AGAP1: variants seen among roughly 807,000 people sequenced by gnomAD.
AGAP1 encodes the protein ArfGAP with GTPase domain, ankyrin repeat and PH domain 1.
In AGAP1, 29 loss-of-function variants were observed where a neutral mutation model predicts 105.3. The ratio of observed to expected loss-of-function variants is 0.28; its 90% CI spans 0.21 to 0.38. The LOEUF (loss-of-function observed/expected upper bound fraction) is 0.38. Among genes scored for constraint, AGAP1 ranks in the 10% least tolerant of loss-of-function variants. The probability of loss-of-function intolerance (pLI) is 1.00; values close to 1 mark genes in which losing one functional copy is unlikely to be tolerated. For synonymous variants in AGAP1, 509 were observed against 485.9 expected, an observed-to-expected ratio of 1.05 and a Z score of -0.63; for missense variants, 998 against 1,165.1, an observed-to-expected ratio of 0.86 and a Z score of 2.09.
chr2:236,085,213 C>CT, intron 16 of AGAP1, among the ~76,000 whole-genome samples: 1 of 96,986 alleles, frequency 1.0e-5, no homozygotes, highest in South Asian at 3.5e-4. Flanking sequence ...GAGACTCCGT[C>CT]TCAAAAAAAA....
In AGAP1 at chr2:235,701,465, A is replaced by G. The variant is rs1233762795; in HGVS notation, c.164-7714A>G. Among the ~76,000 whole-genome samples the G allele has an allele frequency of 1.3e-5, 2 of 152,118 alleles. No individual in the cohort carries two copies. The highest frequency in any genetic ancestry group is 2.9e-5 in the Non-Finnish European group (2 of 68,024). On this transcript the variant is annotated intron_variant, in intron 1 of 17. Coordinates refer to ENST00000304032, the MANE Select transcript of AGAP1 (RefSeq NM_001037131.3). The surrounding 1 kb of genome is among the most constrained non-coding windows in gnomAD (Gnocchi z 4.1). The stretch of plus-strand genomic sequence containing the variant: ...CACTGAGAGGGCCTGGTGAATGGCA[A>G]GGTCAGGGGATGCTGTCCGGACATG...
At position 235,777,143 on chromosome 2, in the gene AGAP1, G is replaced by T. The variant is rs1024818951; in HGVS notation, c.674-20616G>T. The T allele has an allele frequency of 9.6e-5, 43 of 449,048 alleles. No homozygotes were observed. The highest frequency in any genetic ancestry group is 7.6e-4 in the African/African-American group (38 of 49,706). The allele number at this position is 449,048 out of a possible 1,614,324, so 27.8% of individuals were successfully genotyped here. A position where few individuals can be genotyped will look rare whatever the true frequency, so the allele number is the denominator to read the frequency against. ...AGAGGCCAAGGCGGGTGGATCACGA[G>T]GTCAGGAGATCGAGACCATCCTGGC... On this transcript the variant is annotated intron_variant, in intron 6 of 17. Coordinates refer to ENST00000304032, the MANE Select transcript of AGAP1 (RefSeq NM_001037131.3). The surrounding 1 kb of genome is among the most constrained non-coding windows in gnomAD (Gnocchi z 5.1).
In AGAP1 at chr2:235,801,634, G is replaced by C. The variant is rs895754368; in HGVS notation, c.957+2112G>C. Among the ~76,000 whole-genome samples the C allele has an allele frequency of 2.0e-5, 3 of 152,090 alleles. No individual in the cohort carries two copies. The highest frequency in any genetic ancestry group is 4.4e-5 in the Non-Finnish European group (3 of 68,034). Reference sequence around the variant, plus strand: ...GTTGAAGTGTTTCCTGCTAGAACAGGCTGCACAGTGACTCGGTGGCTTGAG... The same window carrying C: ...GTTGAAGTGTTTCCTGCTAGAACAGCCTGCACAGTGACTCGGTGGCTTGAG... On this transcript the variant is annotated intron_variant, in intron 8 of 17. Transcript: ENST00000304032. The surrounding 1 kb of genome is among the most constrained non-coding windows in gnomAD (Gnocchi z 6.0).
chr2:235,745,007 C>G (rs1022169082), intron 5 of AGAP1, among the ~76,000 whole-genome samples, 168 bp downstream of exon 5: 2 of 151,964 alleles, frequency 1.3e-5, no homozygotes, highest in African/African-American at 4.8e-5. Flanking sequence ...TGATTTGATT[C>G]TATGGTGAAA....
chr2:235,938,660 C>G (rs1470319849), intron 12 of AGAP1, among the ~76,000 whole-genome samples: 1 of 152,190 alleles, frequency 6.6e-6, no homozygotes, highest in African/African-American at 2.4e-5. Context: ...GACTTACATT[C>G]TGCACTAAGA....
chr2:235,865,862 C>T lies in AGAP1; in HGVS notation c.1051-17483C>T, dbSNP rs2049143620. 6.6e-6 allele frequency among the ~76,000 whole-genome samples: 1 copy of T among 152,148 alleles called. No individual in the cohort carries two copies. The highest frequency in any genetic ancestry group is 2.4e-5 in the African/African-American group (1 of 41,420). ...CCCAGCATCGTGGATGTGAATTTGC[C>T]AGAAGTTTTCCGTTTGTGGAGGACT... On this transcript the variant is annotated intron_variant, in intron 9 of 17. Transcript: ENST00000304032. The surrounding 1 kb of genome is among the most constrained non-coding windows in gnomAD (Gnocchi z 6.2).
chr2:236,022,867 C>T (rs141473145), intron 13 of AGAP1, among the ~76,000 whole-genome samples: 1 of 152,212 alleles, frequency 6.6e-6, no homozygotes, highest in African/African-American at 2.4e-5. Flanking sequence ...CAGTCTTTTC[C>T]TACAAAAATG....
chr2:235,877,950 C>T lies in AGAP1; in HGVS notation c.1051-5395C>T, dbSNP rs961830077. On this transcript the variant is annotated intron_variant, in intron 9 of 17. Transcript: ENST00000304032. The surrounding 1 kb of genome is among the most constrained non-coding windows in gnomAD (Gnocchi z 4.3). The stretch of plus-strand genomic sequence containing the variant: ...ATCAGATAACCCCTTCCTCCCTCCA[C>T]CCTGCACACCTATGGCAGGGCCCAG... Among the ~76,000 whole-genome samples, 13 of 152,220 alleles carry T rather than the reference C, an allele frequency of 8.5e-5. No homozygotes were observed.
chr2:235,528,385 G>T (rs368059802), intron 1 of AGAP1, among the ~76,000 whole-genome samples: 1 of 113,704 alleles, frequency 8.8e-6, no homozygotes, highest in East Asian at 2.6e-4. Context: ...TCCCACTGGC[G>T]GTTTCATTTT....
rs2049104774 is a variant in AGAP1 at position 235,865,275 on chromosome 2, C to T, written c.1051-18070C>T. On this transcript the variant is annotated intron_variant, in intron 9 of 17. Coordinates refer to ENST00000304032, the MANE Select transcript of AGAP1 (RefSeq NM_001037131.3). This position sits in a 1 kb window ranked among gnomAD's most constrained non-coding sequence, Gnocchi z 6.2. ...CCCGGCCGGCGCTTTGAAGCCTGTG[C>T]TGTGCGATTTTCTCAGCAGTGAGGT... is the stretch of plus-strand genomic sequence containing the variant. 6.6e-6 allele frequency among the ~76,000 whole-genome samples: 1 copy of T among 152,290 alleles called. No homozygotes were observed. Among genetic ancestry groups the T allele is most frequent in the African/African-American group, 2.4e-5 (1 of 41,572 alleles).
intron 1 of AGAP1, among the ~76,000 whole-genome samples, chr2:235,522,658 C>G (rs1942667062): frequency 6.6e-6 from 1 of 152,050 alleles, no homozygotes; most frequent in South Asian, 2.1e-4. Flanking sequence ...GATGAAGAGG[C>G]TGGCCACAAG....
At chr2:235,595,504 A>G (rs1945497422) in intron 1 of AGAP1, among the ~76,000 whole-genome samples, 1 of 152,146 alleles carries the variant, frequency 6.6e-6, no homozygotes, top group African/African-American at 2.4e-5. Flanking sequence ...TAGCACTTTC[A>G]ATTATGCTGT....
At chr2:235,802,831 AT>A (rs1575504983) in intron 8 of AGAP1, among the ~76,000 whole-genome samples, 40 of 83,274 alleles carry the variant, frequency 4.8e-4, no homozygotes, top group East Asian at 2.9e-3. Flanking sequence ...TGTGGTTGTG[AT>A]GATGGTTATG....
rs144609943 is a variant in AGAP1 at position 236,049,257 on chromosome 2, C to G, written c.2090C>G (p.Thr697Arg). 1 of 1,614,080 alleles carries G rather than the reference C, an allele frequency of 6.2e-7. No homozygotes were observed. The highest frequency in any genetic ancestry group is 1.7e-5 in the Admixed American group (1 of 60,012). Residue 697 changes from threonine (T) to arginine (R), a missense_variant, in exon 16 of 18, where the codon ACG becomes AGG. Transcript: ENST00000304032. ...SVWEESSQGR[T>R]KPSVDSTREE... Reference sequence around the variant, plus strand: ...TGGGAAGAGAGCAGCCAGGGGCGGACGAAACCATCGGTAGACTCCACAAGG... The same window carrying G: ...TGGGAAGAGAGCAGCCAGGGGCGGAGGAAACCATCGGTAGACTCCACAAGG...
chr2:235,954,933 T>C (rs1349949361), intron 12 of AGAP1, among the ~76,000 whole-genome samples: 1 of 152,090 alleles, frequency 6.6e-6, no homozygotes, highest in Non-Finnish European at 1.5e-5. Context: ...AAGCACATGG[T>C]AGATGGGCCA....
rs1329532657 is a variant in AGAP1 at position 236,035,015 on chromosome 2, T to C, written c.1646-1546T>C. On this transcript the variant is annotated intron_variant, in intron 13 of 17. Transcript: ENST00000304032. This position sits in a 1 kb window ranked among gnomAD's most constrained non-coding sequence, Gnocchi z 4.2. ...AGGAGTGGGGAAAGGGTGAGTGGGG[T>C]GGCACGTCCTCACGTCCCAGGCTGC... 6.6e-6 allele frequency among the ~76,000 whole-genome samples: 1 copy of C among 151,962 alleles called. No individual in the cohort carries two copies. Among genetic ancestry groups the C allele is most frequent in the Non-Finnish European group, 1.5e-5 (1 of 67,982 alleles).
chr2:235,714,941 G>T lies in AGAP1; in HGVS notation c.223-2616G>T, dbSNP rs1434256741. Among the ~76,000 whole-genome samples, 1 of 152,252 alleles carries T rather than the reference G, an allele frequency of 6.6e-6. No homozygotes were observed. The highest frequency in any genetic ancestry group is 2.4e-5 in the African/African-American group (1 of 41,542). On this transcript the variant is annotated intron_variant, in intron 2 of 17. Coordinates refer to ENST00000304032, the MANE Select transcript of AGAP1 (RefSeq NM_001037131.3). The surrounding 1 kb of genome is among the most constrained non-coding windows in gnomAD (Gnocchi z 4.1). ...GCCTCCTGAGTAGCTGGGACTACAG[G>T]CGTGTGCCACCACGCCTTGTTATTT...
At chr2:236,115,439 A>C (rs932768067) in intron 16 of AGAP1, among the ~76,000 whole-genome samples, 5 of 152,216 alleles carry the variant, frequency 3.3e-5, no homozygotes, top group Non-Finnish European at 1.5e-5. Context: ...AATGCTTAAG[A>C]GTGCAGCCTG....
intron 13 of AGAP1, among the ~76,000 whole-genome samples, chr2:235,975,034 G>C (rs774417805): frequency 2.0e-5 from 3 of 152,206 alleles, no homozygotes; most frequent in Non-Finnish European, 4.4e-5. Context: ...GTTAGGGAAG[G>C]CTAACCTGTT....
Sources: gnomAD v4.1 joint callset for allele counts (sites outside exome capture counted in the v4.1 genomes callset) on GRCh38, gnomAD v4.1.1 for gene constraint, Gnocchi (gnomAD v3.1) non-coding constraint, MANE v1.5 for transcripts, NCBI Gene and HGNC (gene_info 2026-07-23, HGNC 2026-07-21) for gene names.